DSCAM: variants seen among roughly 807,000 people sequenced by gnomAD.
DSCAM encodes the protein DS cell adhesion molecule.
DSCAM carries 47 observed loss-of-function variants against 217.7 expected under a neutral mutation model. The observed-to-expected ratio is 0.22, with a 90% CI of 0.17 to 0.28. The LOEUF (loss-of-function observed/expected upper bound fraction) is 0.28, where lower values mean the gene tolerates loss of function less well. Among genes scored for constraint, DSCAM ranks in the 10% least tolerant of loss-of-function variants. The probability of loss-of-function intolerance (pLI) is 1.00; values close to 1 mark genes in which losing one functional copy is unlikely to be tolerated. For missense variants in DSCAM, 2,080 were observed against 2,618.3 expected (o/e 0.79, Z 4.49); for synonymous variants, 1,056 against 1,015.3 (o/e 1.04, Z -0.76).
intron 9 of DSCAM, among the ~76,000 whole-genome samples, chr21:40,311,692 T>C (rs772294306): frequency 1.3e-5 from 2 of 152,156 alleles, no homozygotes; most frequent in Non-Finnish European, 2.9e-5. Flanking sequence ...CTTTGAGACA[T>C]ATTTTTTAAA....
At chr21:40,608,148 T>A (rs1208750404) in intron 3 of DSCAM, among the ~76,000 whole-genome samples, 1 of 152,232 alleles carries the variant, frequency 6.6e-6, no homozygotes, top group East Asian at 1.9e-4. Flanking sequence ...ATAATCCTCA[T>A]GAATTCTGCT....
chr21:40,059,255 C>T (rs1283705523), intron 28 of DSCAM, among the ~76,000 whole-genome samples: 5 of 152,314 alleles, frequency 3.3e-5, no homozygotes, highest in East Asian at 3.9e-4. Flanking sequence ...CCAACTCACT[C>T]GCTAATGCTG....
At chr21:40,772,544 C>T (rs537805995) in intron 1 of DSCAM, among the ~76,000 whole-genome samples, 4 of 152,310 alleles carry the variant, frequency 2.6e-5, no homozygotes, top group East Asian at 1.9e-4. Context: ...CCTCCTGCTG[C>T]GGGTGGCTCT....
intron 15 of DSCAM, among the ~76,000 whole-genome samples, chr21:40,176,086 T>G (rs1036493886): frequency 3.9e-5 from 6 of 151,938 alleles, no homozygotes; most frequent in African/African-American, 1.5e-4. Context: ...TCCTCTGTCC[T>G]GAGCTGAGTA....
At chr21:40,092,354 C>T (rs2410212) in intron 21 of DSCAM, among the ~76,000 whole-genome samples, 6,425 of 152,222 alleles carry the variant, frequency 0.042, 190 homozygotes, top group East Asian at 0.14. Context: ...TATGTGAAGC[C>T]ACTGAGATTT....
chr21:40,314,254 T>C (rs1336269139), intron 8 of DSCAM, among the ~76,000 whole-genome samples: 1 of 152,196 alleles, frequency 6.6e-6, no homozygotes. Flanking sequence ...GAACTCAAAA[T>C]TGCAAGTACA....
chr21:40,128,883 C>A (rs996814445), intron 19 of DSCAM, among the ~76,000 whole-genome samples: 1 of 152,000 alleles, frequency 6.6e-6, no homozygotes, highest in Non-Finnish European at 1.5e-5. Context: ...ATTGTTTTAA[C>A]GTGTTAAGGT....
At chr21:40,425,626 G>C (rs58395033) in intron 3 of DSCAM, among the ~76,000 whole-genome samples, 3 of 137,466 alleles carry the variant, frequency 2.2e-5, no homozygotes, top group African/African-American at 5.5e-5. Flanking sequence ...CAGGAGAATC[G>C]CTTGAACTCC....
At chr21:40,429,336 G>A (rs567680390) in intron 3 of DSCAM, among the ~76,000 whole-genome samples, 2 of 151,458 alleles carry the variant, frequency 1.3e-5, no homozygotes, top group East Asian at 1.9e-4. Flanking sequence ...GCGTGATCTC[G>A]GCTCACTGCA....
intron 10 of DSCAM, among the ~76,000 whole-genome samples, chr21:40,280,826 C>T (rs2073751092): frequency 6.6e-6 from 1 of 152,172 alleles, no homozygotes; most frequent in African/African-American, 2.4e-5. Context: ...CTTCTTCCCT[C>T]TCTCCCTCCC....
At chr21:40,226,270 T>A (rs445701) in intron 11 of DSCAM, among the ~76,000 whole-genome samples, 147,932 of 152,316 alleles carry the variant, frequency 0.97, 71,905 homozygotes, top group Middle Eastern at 0.99. Flanking sequence ...TTGGTGACAA[T>A]GTGCGGACAC....
intron 20 of DSCAM, among the ~76,000 whole-genome samples, chr21:40,107,664 GC>G (rs1388556481): frequency 6.6e-6 from 1 of 152,110 alleles, no homozygotes; most frequent in Non-Finnish European, 1.5e-5. Flanking sequence ...CTAAGAACTT[GC>G]TTTATGAACC....
intron 1 of DSCAM, among the ~76,000 whole-genome samples, chr21:40,798,270 T>C (rs542013409): frequency 6.6e-6 from 1 of 151,836 alleles, no homozygotes; most frequent in Non-Finnish European, 1.5e-5. Context: ...CAGTATACCA[T>C]CAAGACAAAA....
At chr21:40,067,886 G>A (rs2089234715) in intron 27 of DSCAM, among the ~76,000 whole-genome samples, 2 of 151,590 alleles carry the variant, frequency 1.3e-5, no homozygotes, top group Non-Finnish European at 2.9e-5. Context: ...CTGTCTACCT[G>A]CCATCTGTTA....
At position 40,611,121 on chromosome 21, in the gene DSCAM, C is replaced by T. The variant is rs548975610; in HGVS notation, c.508+81689G>A. Among the ~76,000 whole-genome samples the T allele has an allele frequency of 3.5e-5, 5 of 142,510 alleles. No homozygotes were observed. The East Asian group carries it at 1.1e-3, about 30-fold the overall frequency. The allele number at this position is 142,510 out of a possible 152,430, so 93.5% of individuals were successfully genotyped here. On this transcript the variant is annotated intron_variant, in intron 3 of 32. Coordinates refer to ENST00000400454, the MANE Select transcript of DSCAM (RefSeq NM_001389.5). ...TCGTCCAGGCTGGAGTACAGTGGCG[C>T]GATCTCGGCTCACTGCAACCTCTGC...
chr21:40,407,607 C>T (rs191912091), intron 3 of DSCAM, among the ~76,000 whole-genome samples: 54 of 152,224 alleles, frequency 3.5e-4, no homozygotes, highest in Non-Finnish European at 6.3e-4. Flanking sequence ...GAGGGGAGAC[C>T]CTGGAGGATG....
At position 40,080,039 on chromosome 21, in the gene DSCAM, T is replaced by C. The variant is rs940259009; in HGVS notation, c.4420+113A>G. On this transcript the variant is annotated intron_variant, in intron 25 of 32. Transcript: ENST00000400454. ...GGCACTGCTGAAGCCATGTGAGGAA[T>C]GACAAAGTTCAAACACATAAACGTA... is the stretch of plus-strand genomic sequence containing the variant. 7 of 1,025,200 alleles carry C rather than the reference T, an allele frequency of 6.8e-6. No homozygotes were observed. In the African/African-American group the frequency reaches 9.8e-5, roughly 14 times the overall value. 63.5% of individuals were successfully genotyped at this position (1,025,200 alleles called of 1,614,324 possible).
intron 3 of DSCAM, among the ~76,000 whole-genome samples, chr21:40,488,079 T>C (rs1023631225): frequency 1.3e-4 from 20 of 152,344 alleles, no homozygotes; most frequent in African/African-American, 4.3e-4. Flanking sequence ...ATCTTGCTGG[T>C]CAGGGACCAC....
At chr21:40,436,395 C>T (rs1186648003) in intron 3 of DSCAM, among the ~76,000 whole-genome samples, 1 of 152,168 alleles carries the variant, frequency 6.6e-6, no homozygotes, top group Admixed American at 6.5e-5. Context: ...GGGGGAAGAA[C>T]CTAGAACTTC....
Sources: gnomAD v4.1 joint callset for allele counts (sites outside exome capture counted in the v4.1 genomes callset) on GRCh38, gnomAD v4.1.1 for gene constraint, MANE v1.5 for transcripts, NCBI Gene and HGNC (gene_info 2026-07-23, HGNC 2026-07-21) for gene names.